ROBO1: variants seen among roughly 807,000 people sequenced by gnomAD.
The protein encoded by ROBO1 is roundabout homolog 1.
Under a neutral mutation model 195.9 loss-of-function variants are expected in ROBO1, and 149 were observed. That is an observed-to-expected ratio of 0.76 (90% CI 0.67 to 0.87). The LOEUF is 0.87. Among genes scored for constraint, ROBO1 ranks in the 40% least tolerant of loss-of-function variants. ROBO1 has a pLI of 0.00. For missense variants in ROBO1, 1,933 were observed against 2,068.3 expected (o/e 0.93, Z 1.27); for synonymous variants, 816 against 733.2 (o/e 1.11, Z -1.82).
intron 3 of ROBO1, among the ~76,000 whole-genome samples, chr3:78,944,566 T>A (rs1205271785): frequency 6.6e-6 from 1 of 152,018 alleles, no homozygotes; most frequent in South Asian, 2.1e-4. Flanking sequence ...ACAGCTCCGG[T>A]CTACAGCTCC....
intron 4 of ROBO1, among the ~76,000 whole-genome samples, chr3:78,901,159 A>T (rs2037559559): frequency 6.6e-6 from 1 of 152,222 alleles, no homozygotes; most frequent in Non-Finnish European, 1.5e-5. Context: ...AGTAACTAGG[A>T]TATATTGCTT....
chr3:78,891,575 T>A (rs564138318), intron 4 of ROBO1, among the ~76,000 whole-genome samples: 2 of 152,192 alleles, frequency 1.3e-5, no homozygotes, highest in African/African-American at 4.8e-5. Flanking sequence ...AGACACGAGT[T>A]AGCAATTCCA....
intron 2 of ROBO1, among the ~76,000 whole-genome samples, chr3:79,147,828 A>G (rs759924159): frequency 2.9e-4 from 44 of 151,916 alleles, no homozygotes; most frequent in Non-Finnish European, 5.9e-4. Flanking sequence ...ATGCTAATAC[A>G]TGTTGATTTC....
At chr3:78,814,134 C>T (rs1249555441) in intron 4 of ROBO1, among the ~76,000 whole-genome samples, 2 of 151,918 alleles carry the variant, frequency 1.3e-5, no homozygotes, top group African/African-American at 4.8e-5. Flanking sequence ...TTTTACTCTT[C>T]AACAGCTTGA....
At chr3:78,919,640 T>C (rs2038828616) in intron 4 of ROBO1, among the ~76,000 whole-genome samples, 1 of 152,226 alleles carries the variant, frequency 6.6e-6, no homozygotes, top group Non-Finnish European at 1.5e-5. Flanking sequence ...TCCCTGGTCA[T>C]GTTATTTTAC....
intron 2 of ROBO1, among the ~76,000 whole-genome samples, chr3:79,488,918 A>T (rs185777184): frequency 6.6e-6 from 1 of 152,176 alleles, no homozygotes; most frequent in African/African-American, 2.4e-5. Flanking sequence ...ACTTTTGATG[A>T]ACTCAGTAAG....
chr3:79,077,931 C>T (rs2079201830), intron 3 of ROBO1, among the ~76,000 whole-genome samples: 2 of 151,762 alleles, frequency 1.3e-5, no homozygotes, highest in Admixed American at 1.3e-4. Flanking sequence ...TAGTGTATGA[C>T]AAATAGTAAG....
intron 2 of ROBO1, among the ~76,000 whole-genome samples, chr3:79,523,161 C>CCACACACA (rs139825740): frequency 6.8e-6 from 1 of 146,368 alleles, no homozygotes; most frequent in East Asian, 2.0e-4. Flanking sequence ...GCTTCATAAA[C>CCACACACA]CACACACACA....
chr3:78,766,219 A>G (rs1279415444), intron 4 of ROBO1, among the ~76,000 whole-genome samples: 2 of 152,182 alleles, frequency 1.3e-5, no homozygotes, highest in African/African-American at 4.8e-5. Flanking sequence ...ACAAAGGAAA[A>G]AGGCAGGTAG....
intron 4 of ROBO1, among the ~76,000 whole-genome samples, chr3:78,861,065 T>C (rs150646589): frequency 3.6e-4 from 55 of 152,342 alleles, no homozygotes; most frequent in Non-Finnish European, 7.1e-4. Flanking sequence ...ATGAATTTCC[T>C]ATAGATATAT....
intron 3 of ROBO1, among the ~76,000 whole-genome samples, chr3:78,953,140 G>A (rs2040874676): frequency 1.3e-5 from 2 of 151,984 alleles, no homozygotes; most frequent in South Asian, 4.1e-4. Context: ...CAACTAAGTA[G>A]GAGAGGGTTT....
chr3:79,474,590 C>CAAAA (rs1938450898), intron 2 of ROBO1, among the ~76,000 whole-genome samples: 1 of 151,942 alleles, frequency 6.6e-6, no homozygotes, highest in South Asian at 2.1e-4. Context: ...TTACTTTGTG[C>CAAAA]TTTAGGAGGG....
At chr3:79,608,240 G>T (rs1242888742) in intron 1 of ROBO1, among the ~76,000 whole-genome samples, 1 of 151,894 alleles carries the variant, frequency 6.6e-6, no homozygotes, top group Admixed American at 6.6e-5. Flanking sequence ...CCAAAATGGG[G>T]TTATAATAAT....
intron 3 of ROBO1, among the ~76,000 whole-genome samples, chr3:78,968,503 C>T (rs1165117828): frequency 6.6e-6 from 1 of 151,780 alleles, no homozygotes; most frequent in East Asian, 1.9e-4. Context: ...GTCTCGAACT[C>T]CTGACCTCAA....
At chr3:78,767,746 T>A (rs977234385) in intron 4 of ROBO1, among the ~76,000 whole-genome samples, 1 of 152,204 alleles carries the variant, frequency 6.6e-6, no homozygotes, top group South Asian at 2.1e-4. Flanking sequence ...TGATCTTTTG[T>A]ATTTCAGTGG....
chr3:78,741,101 T>C (rs1360859306), intron 5 of ROBO1, among the ~76,000 whole-genome samples: 1 of 152,196 alleles, frequency 6.6e-6, no homozygotes, highest in Admixed American at 6.5e-5. Context: ...CTAGGTACTA[T>C]TAAATACCTT....
At chr3:79,743,779 AC>A (rs1703751803) in intron 1 of ROBO1, among the ~76,000 whole-genome samples, 1 of 152,176 alleles carries the variant, frequency 6.6e-6, no homozygotes, top group South Asian at 2.1e-4. Context: ...TAAGACATGA[AC>A]ACACACATTA....
At chr3:78,866,270 T>C (rs570328262) in intron 4 of ROBO1, among the ~76,000 whole-genome samples, 2 of 152,318 alleles carry the variant, frequency 1.3e-5, no homozygotes, top group Non-Finnish European at 2.9e-5. Flanking sequence ...CAATAGAGCA[T>C]TTAGAAAACT....
chr3:79,332,150 G>GAAAAAAAA (rs1350093101), intron 2 of ROBO1, among the ~76,000 whole-genome samples: 1 of 94,228 alleles, frequency 1.1e-5, no homozygotes, highest in African/African-American at 3.5e-5. Flanking sequence ...CTCAAAAAAA[G>GAAAAAAAA]AAAAAAAAAA....
Sources: gnomAD v4.1 joint callset for allele counts (sites outside exome capture counted in the v4.1 genomes callset) on GRCh38, gnomAD v4.1.1 for gene constraint, MANE v1.5 for transcripts, NCBI Gene and HGNC (gene_info 2026-07-23, HGNC 2026-07-21) for gene names.